Variants in NEK11 observed in about 807,000 individuals in gnomAD.
NEK11 encodes the protein serine/threonine-protein kinase Nek11.
Under a neutral mutation model 80.7 loss-of-function variants are expected in NEK11, and 72 were observed. The ratio of observed to expected loss-of-function variants is 0.89; its 90% CI spans 0.74 to 1.08. NEK11 has a LOEUF of 1.08. Ranked by LOEUF, NEK11 falls within the 50% of genes least tolerant of loss-of-function variation. The probability of loss-of-function intolerance (pLI) is 0.00; values close to 1 mark genes in which losing one functional copy is unlikely to be tolerated. For missense variants in NEK11, 764 were observed against 763.6 expected, an observed-to-expected ratio of 1.00 and a Z score of -0.01; for synonymous variants, 251 against 260.7, an observed-to-expected ratio of 0.96 and a Z score of 0.36.
At chr3:131,164,548 G>C (rs1316477130) in intron 11 of NEK11, among the ~76,000 whole-genome samples, 1 of 152,122 alleles carries the variant, frequency 6.6e-6, no homozygotes, top group Non-Finnish European at 1.5e-5. Context: ...TTAAATCTCT[G>C]ATAGGAACAG....
chr3:131,091,797 A>G (rs1386637471), intron 4 of NEK11, among the ~76,000 whole-genome samples: 1 of 150,676 alleles, frequency 6.6e-6, no homozygotes, highest in Non-Finnish European at 1.5e-5. Context: ...GAGCACACAC[A>G]AAAAAAATTT....
At chr3:131,094,094 A>G (rs1242220849) in intron 4 of NEK11, among the ~76,000 whole-genome samples, 1 of 149,996 alleles carries the variant, frequency 6.7e-6, no homozygotes, top group Non-Finnish European at 1.5e-5. Flanking sequence ...TTGAGTTGAG[A>G]TATAGGGATC....
chr3:131,116,438 G>A (rs1231988059), intron 5 of NEK11, among the ~76,000 whole-genome samples: 2 of 152,134 alleles, frequency 1.3e-5, no homozygotes, highest in Admixed American at 6.5e-5. Flanking sequence ...ATAAACATAC[G>A]TGTGCATGTG....
At chr3:131,114,434 G>A (rs1180491240) in intron 5 of NEK11, among the ~76,000 whole-genome samples, 3 of 152,278 alleles carry the variant, frequency 2.0e-5, no homozygotes, top group Non-Finnish European at 4.4e-5. Context: ...TGCTCATGTT[G>A]CATATTGACA....
rs974792942 is a variant in NEK11 at position 131,121,691 on chromosome 3, G to A, written c.456-11054G>A. On this transcript the variant is annotated intron_variant, in intron 5 of 17. Transcript: ENST00000383366. ...TACTCAAGCCTCAATAATGGTGGAC[G>A]CCCCTCCCCCAGCCTCGCTGCCCCC... Among the ~76,000 whole-genome samples, 15 of 152,270 alleles carry A rather than the reference G, an allele frequency of 9.9e-5. No homozygotes were observed. The South Asian group carries it at 2.7e-3, about 27-fold the overall frequency.
chr3:131,222,977 C>CTGTG (rs1358151172), intron 14 of NEK11, among the ~76,000 whole-genome samples: 1 of 152,250 alleles, frequency 6.6e-6, no homozygotes, highest in East Asian at 1.9e-4. Flanking sequence ...TTTGAAACAT[C>CTGTG]TGTGTCCAAA....
chr3:131,333,955 C>G (rs140129981), intron 17 of NEK11, among the ~76,000 whole-genome samples: 18,117 of 152,084 alleles, frequency 0.12, 1,524 homozygotes, highest in East Asian at 0.3. Flanking sequence ...CAGGAGCACC[C>G]AGATTCATAA....
intron 16 of NEK11, among the ~76,000 whole-genome samples, chr3:131,251,150 TA>T (rs796248537): frequency 2.7e-4 from 27 of 101,216 alleles, no homozygotes; most frequent in African/African-American, 8.0e-4. Flanking sequence ...CAGAAAAGTT[TA>T]AAAAAAATAG....
intron 7 of NEK11, among the ~76,000 whole-genome samples, chr3:131,137,613 G>C (rs2085871021): frequency 6.6e-6 from 1 of 152,134 alleles, no homozygotes; most frequent in Non-Finnish European, 1.5e-5. Flanking sequence ...AAGCTTAGGT[G>C]AGAAAACATT....
At chr3:131,229,732 G>A (rs1276479267) in intron 15 of NEK11, among the ~76,000 whole-genome samples, 1 of 151,962 alleles carries the variant, frequency 6.6e-6, no homozygotes, top group Admixed American at 6.6e-5. Context: ...AGAGAGAGAG[G>A]CAAGTGAAGG....
chr3:131,064,266 T>C (rs1210592035), intron 3 of NEK11, among the ~76,000 whole-genome samples: 1 of 152,132 alleles, frequency 6.6e-6, no homozygotes, highest in Non-Finnish European at 1.5e-5. Flanking sequence ...ACTAGGTGGT[T>C]TGAATAACAG....
intron 17 of NEK11, among the ~76,000 whole-genome samples, chr3:131,298,926 G>GT (rs201091833): frequency 0.039 from 4,671 of 119,442 alleles, 210 homozygotes; most frequent in African/African-American, 0.11. Flanking sequence ...ATTCTCTTCT[G>GT]TTTTTTTTTT....
chr3:131,067,326 G>A (rs946863132), intron 3 of NEK11, among the ~76,000 whole-genome samples: 3 of 152,188 alleles, frequency 2.0e-5, no homozygotes, highest in African/African-American at 7.2e-5. Context: ...TAGTTGAGAA[G>A]CTTTTCTTAA....
At chr3:131,313,608 C>T (rs1188449279) in intron 17 of NEK11, among the ~76,000 whole-genome samples, 7 of 151,974 alleles carry the variant, frequency 4.6e-5, no homozygotes, top group Non-Finnish European at 7.4e-5. Flanking sequence ...GTTGGCCACA[C>T]GTATATCTTC....
At chr3:131,117,807 T>G (rs2081546614) in intron 5 of NEK11, among the ~76,000 whole-genome samples, 1 of 152,210 alleles carries the variant, frequency 6.6e-6, no homozygotes, top group Non-Finnish European at 1.5e-5. Flanking sequence ...TGCTTGTGAT[T>G]TTTGCACATT....
intron 4 of NEK11, among the ~76,000 whole-genome samples, chr3:131,099,773 CATT>C (rs2078085927): frequency 6.6e-6 from 1 of 152,104 alleles, no homozygotes; most frequent in South Asian, 2.1e-4. Flanking sequence ...TCAGCCTGGA[CATT>C]ATTGGCTTAT....
intron 14 of NEK11, among the ~76,000 whole-genome samples, chr3:131,181,653 G>A (rs1179281144): frequency 6.6e-6 from 1 of 150,874 alleles, no homozygotes; most frequent in East Asian, 1.9e-4. Context: ...GGCTGAGGCA[G>A]GAGAATGGCG....
chr3:131,181,510 G>A (rs2093339213), intron 14 of NEK11, among the ~76,000 whole-genome samples: 1 of 152,094 alleles, frequency 6.6e-6, no homozygotes, highest in Non-Finnish European at 1.5e-5. Context: ...ACTTTGGGAG[G>A]CCAAGGCGGG....
intron 17 of NEK11, among the ~76,000 whole-genome samples, chr3:131,305,570 T>C (rs2096714868): frequency 6.6e-6 from 1 of 152,168 alleles, no homozygotes; most frequent in South Asian, 2.1e-4. Flanking sequence ...TGGCATGTCT[T>C]GTCCCTGGCT....
Sources: gnomAD v4.1 joint callset for allele counts (sites outside exome capture counted in the v4.1 genomes callset) on GRCh38, gnomAD v4.1.1 for gene constraint, MANE v1.5 for transcripts, NCBI Gene and HGNC (gene_info 2026-07-23, HGNC 2026-07-21) for gene names.